TENM3: variants seen among roughly 807,000 people sequenced by gnomAD.
The protein encoded by TENM3 is teneurin transmembrane protein 3, also known as teneurin-3.
In TENM3, 63 loss-of-function variants were observed where a neutral mutation model predicts 255.1. The ratio of observed to expected loss-of-function variants is 0.25; its 90% CI spans 0.20 to 0.30. TENM3 has a LOEUF of 0.30. Ranked by LOEUF, TENM3 falls within the 10% of genes least tolerant of loss-of-function variation. The pLI, the probability that TENM3 is intolerant of heterozygous loss-of-function variation, is 1.00. For synonymous variants in TENM3, 1,306 were observed against 1,322.3 expected, an observed-to-expected ratio of 0.99 and a Z score of 0.27; for missense variants, 2,929 against 3,461.1, an observed-to-expected ratio of 0.85 and a Z score of 3.86.
the TENM3 span, among the ~76,000 whole-genome samples, chr4:181,502,844 C>A: frequency 6.6e-6 from 1 of 152,112 alleles, no homozygotes; most frequent in East Asian, 1.9e-4. Context: ...AGGTGTGCTG[C>A]CGACAATAAA....
chr4:181,659,649 G>A, the TENM3 span, among the ~76,000 whole-genome samples: 3 of 152,126 alleles, frequency 2.0e-5, no homozygotes, highest in African/African-American at 7.2e-5. Flanking sequence ...TATATAAAAG[G>A]TATTCAGGAA....
chr4:181,766,303 A>G, the TENM3 span, among the ~76,000 whole-genome samples: 11 of 152,196 alleles, frequency 7.2e-5, no homozygotes, highest in Non-Finnish European at 1.5e-4. Context: ...TTACTAGGAG[A>G]CAGAAAGTAA....
At chr4:181,717,389 A>C in the TENM3 span, among the ~76,000 whole-genome samples, 1 of 152,202 alleles carries the variant, frequency 6.6e-6, no homozygotes, top group Non-Finnish European at 1.5e-5. Context: ...CTTTTATTCT[A>C]TACATAACAG....
chr4:181,783,977 TTAAGTG>T, the TENM3 span, among the ~76,000 whole-genome samples: 1 of 152,194 alleles, frequency 6.6e-6, no homozygotes, highest in African/African-American at 2.4e-5. Context: ...ACATGACTCT[TTAAGTG>T]TAAACTTGTA....
the TENM3 span, among the ~76,000 whole-genome samples, chr4:182,071,942 CCAAAACAAAA>C: frequency 6.6e-6 from 1 of 152,058 alleles, no homozygotes; most frequent in African/African-American, 2.4e-5. Flanking sequence ...AAAACCAAAA[CCAAAACAAAA>C]CAAAACAAAA....
intron 1 of TENM3, among the ~76,000 whole-genome samples, chr4:182,207,676 G>T (rs1028492468): frequency 6.6e-6 from 1 of 152,072 alleles, no homozygotes; most frequent in Non-Finnish European, 1.5e-5. Flanking sequence ...AGCAAATTTT[G>T]GGTGTCTGAA....
At chr4:181,977,696 A>G in the TENM3 span, among the ~76,000 whole-genome samples, 3 of 152,114 alleles carry the variant, frequency 2.0e-5, no homozygotes, top group African/African-American at 7.2e-5. Context: ...TCTTCACAAA[A>G]TCAGGGCACC....
chr4:181,670,342 T>C, the TENM3 span, among the ~76,000 whole-genome samples: 1 of 152,194 alleles, frequency 6.6e-6, no homozygotes, highest in African/African-American at 2.4e-5. Context: ...TGTTTTCTTC[T>C]CTGGTAATTC....
At chr4:182,778,028 C>T (rs1005256898) in intron 24 of TENM3, among the ~76,000 whole-genome samples, 2 of 151,992 alleles carry the variant, frequency 1.3e-5, no homozygotes, top group African/African-American at 4.8e-5. Context: ...GATGTAAGGA[C>T]GCAGAATAAA....
chr4:182,600,897 CTTTTTTTTTTT>C lies in TENM3; in HGVS notation c.512-14_512-4del. 6 of 492,980 alleles carry C rather than the reference CTTTTTTTTTTT, an allele frequency of 1.2e-5. No individual in the cohort carries two copies. Among genetic ancestry groups the C allele is most frequent in the Non-Finnish European group, 1.9e-5 (6 of 309,168 alleles). 30.5% of individuals were successfully genotyped at this position (492,980 alleles called of 1,614,324 possible). On this transcript the variant is annotated splice_polypyrimidine_tract_variant and intron_variant, in intron 3 of 27. Transcript: ENST00000511685. ...TATATATATATAATGAGTTCTCTTT[CTTTTTTTTTTT>C]TTTTTTTTTTTTCAGAGCAACCTGC...
intron 5 of TENM3, among the ~76,000 whole-genome samples, chr4:182,633,709 C>G (rs993136319): frequency 6.6e-6 from 1 of 152,240 alleles, no homozygotes; most frequent in African/African-American, 2.4e-5. Context: ...GAGGTTTCTT[C>G]TTTTAACAAA....
chr4:181,624,647 T>C, the TENM3 span, among the ~76,000 whole-genome samples: 2 of 152,242 alleles, frequency 1.3e-5, no homozygotes, highest in Non-Finnish European at 2.9e-5. Flanking sequence ...TAACATTGGC[T>C]GGCACTCAGA....
At chr4:182,569,590 A>G (rs1389255052) in intron 3 of TENM3, among the ~76,000 whole-genome samples, 1 of 152,028 alleles carries the variant, frequency 6.6e-6, no homozygotes, top group African/African-American at 2.4e-5. Flanking sequence ...AAAGGAAAGT[A>G]GGGTACCAAA....
chr4:181,721,056 AC>A, the TENM3 span, among the ~76,000 whole-genome samples: 4 of 152,116 alleles, frequency 2.6e-5, no homozygotes, highest in Non-Finnish European at 5.9e-5. Context: ...TCTCTGATGA[AC>A]CAACTCCTGA....
chr4:181,745,166 C>A, the TENM3 span, among the ~76,000 whole-genome samples: 1 of 151,976 alleles, frequency 6.6e-6, no homozygotes, highest in East Asian at 1.9e-4. Context: ...AGAAAGAAAC[C>A]AGAAAAGGGT....
rs114035317 is a variant in TENM3, at chr4:182,634,477, T to C, written c.988+5588T>C. On this transcript the variant is annotated intron_variant, in intron 5 of 27. Coordinates refer to ENST00000511685, the MANE Select transcript of TENM3 (RefSeq NM_001080477.4). ...GTACATATGGTAAACTTTCTTTCAT[T>C]GGAGTCATCTTACCATTTTCTTTGG... 8.3e-3 allele frequency among the ~76,000 whole-genome samples: 1,265 copies of C among 152,236 alleles called. 18 individuals carry two copies. The highest frequency in any genetic ancestry group is 0.029 in the African/African-American group (1,198 of 41,546).
At chr4:181,994,230 T>A in the TENM3 span, among the ~76,000 whole-genome samples, 1 of 152,188 alleles carries the variant, frequency 6.6e-6, no homozygotes, top group Admixed American at 6.5e-5. Flanking sequence ...TTGGTTCAAG[T>A]TAGTATCTTT....
At chr4:182,014,710 C>T in the TENM3 span, among the ~76,000 whole-genome samples, 1 of 152,048 alleles carries the variant, frequency 6.6e-6, no homozygotes, top group Non-Finnish European at 1.5e-5. Context: ...GGATGGGGCA[C>T]TGGGGAAGCG....
intron 3 of TENM3, among the ~76,000 whole-genome samples, chr4:182,526,726 T>C (rs1185965654): frequency 6.6e-6 from 1 of 152,218 alleles, no homozygotes; most frequent in Non-Finnish European, 1.5e-5. Flanking sequence ...GGAGCCTCAA[T>C]AGCTGCTCAT....
Sources: allele counts gnomAD v4.1 joint callset (sites outside exome capture counted in the v4.1 genomes callset), GRCh38; gene constraint gnomAD v4.1.1; transcripts MANE v1.5; gene names NCBI Gene and HGNC (gene_info 2026-07-23, HGNC 2026-07-21).